The following ZNF516 variants were observed in gnomAD, a reference collection of about 807,000 sequenced individuals.
ZNF516 encodes zinc finger protein 516.
ZNF516 carries 19 observed loss-of-function variants against 79.7 expected under a neutral mutation model. The ratio of observed to expected loss-of-function variants is 0.24; its 90% CI spans 0.17 to 0.35. ZNF516 has a LOEUF of 0.35. Ranked by LOEUF, ZNF516 falls within the 10% of genes least tolerant of loss-of-function variation. The probability of loss-of-function intolerance (pLI) is 1.00; values close to 1 mark genes in which losing one functional copy is unlikely to be tolerated. For missense variants in ZNF516, 1,678 were observed against 1,679.5 expected, an observed-to-expected ratio of 1.00 and a Z score of 0.02; for synonymous variants, 877 against 739.5, an observed-to-expected ratio of 1.19 and a Z score of -3.02.
intron 1 of ZNF516, among the ~76,000 whole-genome samples, chr18:76,466,114 C>T (rs77663221): frequency 0.01 from 1,525 of 152,310 alleles, 28 homozygotes; most frequent in African/African-American, 0.035. Flanking sequence ...CCCTGGGTGA[C>T]GGTCTAAGCC....
chr18:76,462,080 C>T (rs1264662752), intron 2 of ZNF516, among the ~76,000 whole-genome samples: 1 of 152,212 alleles, frequency 6.6e-6, no homozygotes, highest in Non-Finnish European at 1.5e-5. Context: ...TATATTCTTC[C>T]AGCATCTACC....
intron 3 of ZNF516, among the ~76,000 whole-genome samples, chr18:76,418,816 G>C (rs1053090808): frequency 5.9e-5 from 9 of 152,348 alleles, no homozygotes; most frequent in African/African-American, 1.9e-4. Context: ...TTGAACAAAT[G>C]ATGTTAAATC....
intron 4 of ZNF516, among the ~76,000 whole-genome samples, chr18:76,376,727 G>T (rs74626414): frequency 0.15 from 22,882 of 152,120 alleles, 1,976 homozygotes; most frequent in Non-Finnish European, 0.2. Context: ...CTTTAAAAAC[G>T]GGGGACGGCA....
chr18:76,446,806 A>G (rs1912078955), intron 2 of ZNF516, among the ~76,000 whole-genome samples: 1 of 152,230 alleles, frequency 6.6e-6, no homozygotes, highest in Non-Finnish European at 1.5e-5. Flanking sequence ...TTCAAAAATA[A>G]GACCTGCTGT....
intron 3 of ZNF516, among the ~76,000 whole-genome samples, chr18:76,415,143 A>G (rs1269756089): frequency 6.6e-6 from 1 of 152,230 alleles, no homozygotes; most frequent in African/African-American, 2.4e-5. Context: ...GGTTGCAGTG[A>G]GCCAGGATCG....
chr18:76,395,503 G>A (rs1330725304), intron 3 of ZNF516, among the ~76,000 whole-genome samples: 2 of 152,294 alleles, frequency 1.3e-5, no homozygotes, highest in East Asian at 3.9e-4. Context: ...CGTTAATTCA[G>A]CAGGTATCTC....
rs1458602747 is a variant in ZNF516 at position 76,360,768 on chromosome 18, G to C, written c.*1730C>G. 2.9e-5 allele frequency: 4 copies of C among 139,862 alleles called. No homozygotes were observed. In the South Asian group the frequency reaches 6.7e-4, roughly 23 times the overall value. The allele number at this position is 139,862 out of a possible 1,614,324, so 8.7% of individuals were successfully genotyped here. On this transcript the variant is annotated 3_prime_UTR_variant, in exon 7 of 7. Coordinates refer to ENST00000443185, the MANE Select transcript of ZNF516 (RefSeq NM_014643.4). ...TAAACTCAGTAACAAGTAGAATCCA[G>C]AACCAAACATTACTAATAACAATAA...
At chr18:76,375,787 C>T (rs1269916319) in intron 4 of ZNF516, among the ~76,000 whole-genome samples, 2 of 144,836 alleles carry the variant, frequency 1.4e-5, no homozygotes, top group African/African-American at 5.2e-5. Context: ...GGGAAGGCCC[C>T]AAAGACCAGG....
chr18:76,456,284 T>C (rs1479196079), intron 2 of ZNF516, among the ~76,000 whole-genome samples: 1 of 152,246 alleles, frequency 6.6e-6, no homozygotes, highest in African/African-American at 2.4e-5. Context: ...TTCAGGGACC[T>C]TGCTGCAAAA....
rs76906168 is a variant in ZNF516 at position 76,492,748 on chromosome 18, C to G, written c.-272+2396G>C. On this transcript the variant is annotated intron_variant, in intron 1 of 6. Coordinates refer to ENST00000443185, the MANE Select transcript of ZNF516 (RefSeq NM_014643.4). The stretch of plus-strand genomic sequence containing the variant: ...ATCACAGCCCTCCTCTTTTCTCCCC[C>G]TTCTGCAGGTTCCGACCTGAATCTG... 1,736 of 985,600 alleles carry G rather than the reference C, an allele frequency of 1.8e-3. 31 individuals carry two copies. In the African/African-American group the frequency reaches 0.029, roughly 16 times the overall value. 61.1% of individuals were successfully genotyped at this position (985,600 alleles called of 1,614,324 possible). A position where few individuals can be genotyped will look rare whatever the true frequency, so the allele number is the denominator to read the frequency against.
At position 76,441,376 on chromosome 18, in the gene ZNF516, C is replaced by T; in HGVS notation, c.1679G>A (p.Ser560Asn). The stretch of plus-strand genomic sequence containing the variant: ...GGGCTGGGAGGCCGAGTCACCCTCA[C>T]TGAGTGATCCGCAGCGGGCCCGCGC... ...RAARARCGSL[S>N]EGDSASQPSS... The change falls in exon 3 of 7, where the codon AGT becomes AAT. Residue 560 changes from serine (S) to asparagine (N), a missense_variant. Around this residue, in one of 5 missense-constraint regions of ZNF516, gnomAD observed 1,294 missense variants for 1,248.3 expected, o/e 1.04. Transcript: ENST00000443185. 2 of 1,610,866 alleles carry T rather than the reference C, an allele frequency of 1.2e-6. No homozygotes were observed. The highest frequency in any genetic ancestry group is 1.7e-6 in the Non-Finnish European group (2 of 1,179,120).
At chr18:76,480,186 C>CAA (rs1165361073) in intron 1 of ZNF516, among the ~76,000 whole-genome samples, 1 of 127,886 alleles carries the variant, frequency 7.8e-6, no homozygotes, top group African/African-American at 2.9e-5. Flanking sequence ...AAAAAAAGAA[C>CAA]AAAAAAAAAC....
intron 2 of ZNF516, among the ~76,000 whole-genome samples, chr18:76,460,585 T>TA (rs139101569): frequency 3.3e-5 from 5 of 152,166 alleles, no homozygotes; most frequent in Admixed American, 6.5e-5. Flanking sequence ...CACTGACCAG[T>TA]AAAAAAACTG....
At chr18:76,392,478 A>G (rs2075087197) in intron 3 of ZNF516, among the ~76,000 whole-genome samples, 1 of 148,934 alleles carries the variant, frequency 6.7e-6, no homozygotes, top group African/African-American at 2.5e-5. Flanking sequence ...GAGACCAGGA[A>G]AGCAGGAGGC....
At position 76,379,683 on chromosome 18, in the gene ZNF516, A is replaced by T. The variant is rs757903454; in HGVS notation, c.2431T>A (p.Ser811Thr). 1.2e-6 allele frequency: 2 copies of T among 1,613,594 alleles called. No individual in the cohort carries two copies. Among genetic ancestry groups the T allele is most frequent in the East Asian group, 4.5e-5 (2 of 44,870 alleles). ...KSIRSNLVFL[S>T]RSGRTGPPPA... ...GGGGGGCCCGTGCGTCCGCTCCGGG[A>T]AAGGAAAACCAAATTGCTTCTGATG... Residue 811 changes from serine (S) to threonine (T), a missense_variant, in exon 4 of 7, where the codon TCC (serine) becomes ACC (threonine). By Grantham distance (58) the Ser-to-Thr change is moderately conservative. Transcript: ENST00000443185.
chr18:76,389,436 A>G (rs781025454), intron 3 of ZNF516: 4 of 152,206 alleles, frequency 2.6e-5, no homozygotes, highest in Non-Finnish European at 5.9e-5. Context: ...CCTTATAAAC[A>G]GTGCATCCCT....
chr18:76,428,929 G>C (rs1479412097), intron 3 of ZNF516, among the ~76,000 whole-genome samples: 2 of 152,262 alleles, frequency 1.3e-5, no homozygotes, highest in African/African-American at 4.8e-5. Context: ...GGAAATGGGA[G>C]CTCCTCCTGC....
At position 76,362,467 on chromosome 18, in the gene ZNF516, C is replaced by T. The variant is rs754474352; in HGVS notation, c.*31G>A. On this transcript the variant is annotated 3_prime_UTR_variant, in exon 7 of 7. Coordinates refer to ENST00000443185, the MANE Select transcript of ZNF516 (RefSeq NM_014643.4). ...GTGAGGGTACTGCTAATGGCCGTTACGGGGACCTGGGGTGCGTCGGAAACA... is the reference window on the plus strand; with the variant it reads ...GTGAGGGTACTGCTAATGGCCGTTATGGGGACCTGGGGTGCGTCGGAAACA... 16 of 1,608,936 alleles carry T rather than the reference C, an allele frequency of 9.9e-6. No individual in the cohort carries two copies. In the East Asian group the frequency reaches 1.1e-4, roughly 11 times the overall value.
upstream of ZNF516, chr18:76,496,295 T>G: frequency 7.8e-7 from 1 of 1,289,520 alleles, no homozygotes; most frequent in Non-Finnish European, 1.0e-6. Flanking sequence ...GGCCGTATTG[T>G]TCTCCTTCTC....
Sources: allele counts gnomAD v4.1 joint callset (sites outside exome capture counted in the v4.1 genomes callset), GRCh38; gene constraint gnomAD v4.1.1; regional missense constraint gnomAD v4.1.1; transcripts MANE v1.5; gene names NCBI Gene and HGNC (gene_info 2026-07-23, HGNC 2026-07-21).